Variants in TENM2 observed in about 807,000 individuals in gnomAD.
TENM2 encodes the protein teneurin-2.
Under a neutral mutation model 245.2 loss-of-function variants are expected in TENM2, and 52 were observed. The observed-to-expected ratio is 0.21, with a 90% CI of 0.17 to 0.27. The LOEUF (loss-of-function observed/expected upper bound fraction) is 0.27. Among genes scored for constraint, TENM2 ranks in the 10% least tolerant of loss-of-function variants. The probability of loss-of-function intolerance (pLI) is 1.00; values close to 1 mark genes in which losing one functional copy is unlikely to be tolerated. For synonymous variants in TENM2, 1,363 were observed against 1,438.9 expected (o/e 0.95, Z 1.19); for missense variants, 3,046 against 3,666.8 (o/e 0.83, Z 4.37).
At chr5:167,882,062 A>C (rs1285531497) in intron 3 of TENM2, among the ~76,000 whole-genome samples, 1 of 152,148 alleles carries the variant, frequency 6.6e-6, no homozygotes, top group Non-Finnish European at 1.5e-5. Flanking sequence ...TAACCTTCCT[A>C]ATTGCAGAGA....
chr5:168,178,973 A>G (rs1486436464), intron 13 of TENM2, among the ~76,000 whole-genome samples: 1 of 152,100 alleles, frequency 6.6e-6, no homozygotes, highest in East Asian at 1.9e-4. Context: ...CATCTCTACT[A>G]AAAATACAAA....
chr5:167,390,318 A>G (rs999171044), intron 2 of TENM2, among the ~76,000 whole-genome samples: 3 of 152,180 alleles, frequency 2.0e-5, no homozygotes, highest in African/African-American at 7.2e-5. Context: ...GGAATGCAGG[A>G]CTTTATATCA....
the TENM2 span, among the ~76,000 whole-genome samples, chr5:167,015,113 A>G: frequency 6.6e-6 from 1 of 152,226 alleles, no homozygotes; most frequent in African/African-American, 2.4e-5. Context: ...TAGGCTCTCA[A>G]TAAACATTTT....
At chr5:166,984,258 A>G in the TENM2 span, among the ~76,000 whole-genome samples, 1 of 152,260 alleles carries the variant, frequency 6.6e-6, no homozygotes, top group African/African-American at 2.4e-5. Flanking sequence ...TTTACCTAGT[A>G]GGAGACAAGG....
intron 12 of TENM2, among the ~76,000 whole-genome samples, chr5:168,159,556 C>A (rs912376452): frequency 1.3e-5 from 2 of 152,204 alleles, no homozygotes; most frequent in Admixed American, 6.5e-5. Context: ...TTGCACTTTA[C>A]AAACACAAAG....
At chr5:167,979,161 A>C (rs1782651748) in intron 4 of TENM2, among the ~76,000 whole-genome samples, 1 of 152,198 alleles carries the variant, frequency 6.6e-6, no homozygotes. Context: ...ACCAAAGATA[A>C]GGAAATAAAG....
chr5:167,141,885 T>C, the TENM2 span, among the ~76,000 whole-genome samples: 1 of 152,222 alleles, frequency 6.6e-6, no homozygotes, highest in Non-Finnish European at 1.5e-5. Context: ...AGGAATTTGA[T>C]GGGCACAGTG....
At chr5:167,015,270 G>A in the TENM2 span, among the ~76,000 whole-genome samples, 1 of 152,138 alleles carries the variant, frequency 6.6e-6, no homozygotes, top group Non-Finnish European at 1.5e-5. Flanking sequence ...CTTCTAAAAT[G>A]CGATGGAAGT....
intron 3 of TENM2, among the ~76,000 whole-genome samples, chr5:167,927,854 C>T (rs1333526324): frequency 6.6e-6 from 1 of 152,244 alleles, no homozygotes; most frequent in African/African-American, 2.4e-5. Context: ...AGTGCCTGCC[C>T]ACCCTAACTC....
At chr5:168,227,330 A>T (rs1483306262) in intron 24 of TENM2, among the ~76,000 whole-genome samples, 3 of 152,054 alleles carry the variant, frequency 2.0e-5, no homozygotes, top group Admixed American at 6.6e-5. Context: ...AGTTCTCTTG[A>T]GTGGGGGTGG....
At chr5:167,566,751 A>C (rs1340438075) in intron 2 of TENM2, among the ~76,000 whole-genome samples, 2 of 152,190 alleles carry the variant, frequency 1.3e-5, no homozygotes, top group African/African-American at 4.8e-5. Context: ...GAGGAACGTA[A>C]ATTCTTACTT....
intron 2 of TENM2, among the ~76,000 whole-genome samples, chr5:167,769,716 C>A (rs2150757623): frequency 6.6e-6 from 1 of 152,210 alleles, no homozygotes; most frequent in Non-Finnish European, 1.5e-5. Flanking sequence ...CACTCCTGGG[C>A]TCAATTAAAA....
intron 2 of TENM2, among the ~76,000 whole-genome samples, chr5:167,379,582 ATTACTC>A (rs1159036398): frequency 6.6e-6 from 1 of 152,084 alleles, no homozygotes; most frequent in East Asian, 1.9e-4. Context: ...CTCCCACTCT[ATTACTC>A]TTACATGCTC....
chr5:167,437,825 C>G (rs931359799), intron 2 of TENM2, among the ~76,000 whole-genome samples: 4 of 152,150 alleles, frequency 2.6e-5, no homozygotes, highest in African/African-American at 4.8e-5. Context: ...GTAAGACATG[C>G]CTTTCACCTT....
intron 2 of TENM2, among the ~76,000 whole-genome samples, chr5:167,865,045 C>T (rs1421883255): frequency 6.6e-6 from 1 of 152,120 alleles, no homozygotes; most frequent in Non-Finnish European, 1.5e-5. Context: ...CAGTTTTCCC[C>T]CCAACTAAGC....
chr5:167,617,561 C>A (rs1582556729), intron 2 of TENM2, among the ~76,000 whole-genome samples: 1 of 152,168 alleles, frequency 6.6e-6, no homozygotes, highest in East Asian at 1.9e-4. Flanking sequence ...GTTTTAGTAA[C>A]TGACATTCAG....
chr5:167,643,302 T>G (rs1779727448), intron 2 of TENM2, among the ~76,000 whole-genome samples: 1 of 152,204 alleles, frequency 6.6e-6, no homozygotes, highest in South Asian at 2.1e-4. Flanking sequence ...CTAATCTGTT[T>G]CCTGTCTCTA....
intron 2 of TENM2, among the ~76,000 whole-genome samples, chr5:167,682,452 C>T (rs940482785): frequency 6.6e-5 from 10 of 151,996 alleles, no homozygotes; most frequent in East Asian, 1.9e-4. Context: ...CATGAGCCAC[C>T]GTGCCTGGAT....
the TENM2 span, among the ~76,000 whole-genome samples, chr5:167,242,403 G>A: frequency 9.2e-5 from 14 of 152,104 alleles, no homozygotes; most frequent in East Asian, 3.9e-4. Flanking sequence ...CTCCTGACAC[G>A]TAGTAAATAC....
Sources: allele counts gnomAD v4.1 joint callset (sites outside exome capture counted in the v4.1 genomes callset), GRCh38; gene constraint gnomAD v4.1.1; transcripts MANE v1.5; gene names NCBI Gene and HGNC (gene_info 2026-07-23, HGNC 2026-07-21).